Variants in PAK2 observed in about 807,000 individuals in gnomAD.
PAK2 encodes the protein p21 (RAC1) activated kinase 2.
In PAK2, 21 loss-of-function variants were observed where a neutral mutation model predicts 65.9. That is an observed-to-expected ratio of 0.32 (90% confidence interval 0.23 to 0.46). The LOEUF is 0.46. Ranked by LOEUF, PAK2 falls within the 20% of genes least tolerant of loss-of-function variation. The probability of loss-of-function intolerance (pLI) is 1.00; values close to 1 mark genes in which losing one functional copy is unlikely to be tolerated. For synonymous variants in PAK2, 204 were observed against 219.7 expected (o/e 0.93, Z 0.63); for missense variants, 324 against 642.6 (o/e 0.50, Z 5.36).
At chr3:196,779,662 T>C (rs1188826962) in intron 1 of PAK2, among the ~76,000 whole-genome samples, 1 of 151,858 alleles carries the variant, frequency 6.6e-6, no homozygotes, top group Non-Finnish European at 1.5e-5. Flanking sequence ...TGCCCTGTTT[T>C]TGTTGTTGTT....
At chr3:196,818,329 A>AG (rs1269650775) in intron 12 of PAK2, among the ~76,000 whole-genome samples, 173 bp downstream of exon 12, 3 of 152,182 alleles carry the variant, frequency 2.0e-5, no homozygotes, top group Non-Finnish European at 4.4e-5. Context: ...TGCCAGAGAA[A>AG]GGACTCGCTG....
rs528493415 is a variant in PAK2, at chr3:196,770,265, GTATA to G, written c.-21-12354_-21-12351del. Reference sequence around the variant, plus strand: ...GAGTGAGACCCTATCTCCATTAAAAGTATATATATACAGTATTTGTCCTTTTGTG... The same window carrying G: ...GAGTGAGACCCTATCTCCATTAAAAGTATATACAGTATTTGTCCTTTTGTG... On this transcript the variant is annotated intron_variant, in intron 1 of 14. Transcript: ENST00000327134. 4.2e-3 allele frequency among the ~76,000 whole-genome samples: 638 copies of G among 152,004 alleles called. 19 individuals carry two copies. The highest frequency in any genetic ancestry group is 0.015 in the African/African-American group (601 of 41,348).
rs1327329616 is a variant in PAK2 at position 196,807,817 on chromosome 3, A to T, written c.612A>T (p.Ala204=). The T allele has an allele frequency of 6.2e-7, 1 of 1,612,318 alleles. No individual in the cohort carries two copies. Among genetic ancestry groups the T allele is most frequent in the Non-Finnish European group, 8.5e-7 (1 of 1,179,062 alleles). ...GGTCTGTAATTGACCCTGTTCCTGC[A>T]CCAGTTGGTGATTCACATGTTGATG... ...YTRSVIDPVP[A]PVGDSHVDGA... is the part of the protein sequence containing the mutation. Residue 204 remains alanine (A), a synonymous_variant, in exon 7 of 15, where the codon GCA becomes GCT. Coordinates refer to ENST00000327134, the MANE Select transcript of PAK2 (RefSeq NM_002577.4).
At chr3:196,802,951 T>C (rs982890959) in intron 3 of PAK2, 66 bp from the exon 4 acceptor site, 9 of 1,071,408 alleles carry the variant, frequency 8.4e-6, no homozygotes, top group Admixed American at 2.9e-5. Flanking sequence ...TTGTCATTTA[T>C]CTCTGGAAAT....
In PAK2 at chr3:196,820,508, A is replaced by G. The variant is rs1159502671; in HGVS notation, c.1291A>G (p.Ile431Val). The change falls in exon 13 of 15, where the codon ATC (isoleucine) becomes GTC (valine). Residue 431 changes from isoleucine (I) to valine (V), a missense_variant. Around this residue, in one of 5 missense-constraint regions of PAK2, gnomAD observed 36 missense variants for 161.5 expected, o/e 0.22. Coordinates refer to ENST00000327134, the MANE Select transcript of PAK2 (RefSeq NM_002577.4). This position sits in a 1 kb window ranked among gnomAD's most constrained non-coding sequence, Gnocchi z 4.6. ...GPKVDIWSLG[I>V]MAIEMVEGEP... ...TAAAGTCGACATATGGTCTCTGGGTATCATGGCTATTGAGATGGTAGAAGG... is the reference window on the plus strand; with the variant it reads ...TAAAGTCGACATATGGTCTCTGGGTGTCATGGCTATTGAGATGGTAGAAGG... 3 of 1,612,656 alleles carry G rather than the reference A, an allele frequency of 1.9e-6. No homozygotes were observed. The highest frequency in any genetic ancestry group is 2.5e-6 in the Non-Finnish European group (3 of 1,179,058).
intron 8 of PAK2, among the ~76,000 whole-genome samples, chr3:196,811,290 TCCCTCCCTC>T (rs1715800962): frequency 7.8e-5 from 1 of 12,836 alleles, no homozygotes; most frequent in Non-Finnish European, 1.5e-4. Flanking sequence ...TTCCCTCCCT[TCCCTCCCTC>T]CCTTCCTTCC....
chr3:196,779,096 G>A (rs1714628324), intron 1 of PAK2, among the ~76,000 whole-genome samples: 1 of 152,168 alleles, frequency 6.6e-6, no homozygotes, highest in Admixed American at 6.6e-5. Context: ...CACTCAAGAG[G>A]AGACAAGGAT....
intron 12 of PAK2, among the ~76,000 whole-genome samples, chr3:196,819,140 A>G (rs1711571085): frequency 6.6e-6 from 1 of 152,174 alleles, no homozygotes; most frequent in Admixed American, 6.6e-5. Flanking sequence ...TATATTCTGT[A>G]TAGTTTTTAA....
chr3:196,759,500 T>G (rs1387391337), intron 1 of PAK2, among the ~76,000 whole-genome samples: 170 of 9,696 alleles, frequency 0.018, no homozygotes, highest in African/African-American at 0.047. Flanking sequence ...TTTTTTTTGT[T>G]TTTTTTTTTT....
chr3:196,826,191 G>A (rs745534699), intron 13 of PAK2, among the ~76,000 whole-genome samples: 53 of 150,226 alleles, frequency 3.5e-4, no homozygotes, highest in Admixed American at 1.1e-3. Context: ...TTTATTTTTG[G>A]GACGGAGTCT....
At chr3:196,765,524 T>G (rs1461880009) in intron 1 of PAK2, among the ~76,000 whole-genome samples, 1 of 152,220 alleles carries the variant, frequency 6.6e-6, no homozygotes, top group Non-Finnish European at 1.5e-5. Flanking sequence ...TGTGCCATAT[T>G]CCTGATAACA....
At chr3:196,809,616 A>G (rs1383174259) in intron 7 of PAK2, among the ~76,000 whole-genome samples, 1 of 150,844 alleles carries the variant, frequency 6.6e-6, no homozygotes, top group Non-Finnish European at 1.5e-5. Flanking sequence ...CTGTTACTCT[A>G]TGAGCATATA....
intron 13 of PAK2, among the ~76,000 whole-genome samples, chr3:196,821,961 G>C (rs1347873904): frequency 6.6e-6 from 1 of 152,220 alleles, no homozygotes; most frequent in African/African-American, 2.4e-5. Flanking sequence ...AAGGAAGGAA[G>C]TGCCAATCCG....
rs913543547 is a variant in PAK2, at chr3:196,807,720, G to T, written c.577-62G>T. 9.5e-6 allele frequency: 9 copies of T among 945,068 alleles called. No individual in the cohort carries two copies. The South Asian group carries it at 1.4e-4, about 14-fold the overall frequency. The allele number at this position is 945,068 out of a possible 1,614,324, so 58.5% of individuals were successfully genotyped here. ...AAAAATCAAAGAACTGAATTAGTTT[G>T]CCAGGAAGAATATCTGAAAACATTA... On this transcript the variant is annotated intron_variant, in intron 6 of 14. Transcript: ENST00000327134.
chr3:196,748,638 G>A (rs545165641), intron 1 of PAK2, among the ~76,000 whole-genome samples: 50 of 152,234 alleles, frequency 3.3e-4, no homozygotes, highest in African/African-American at 1.1e-3. Flanking sequence ...AGGTTCTTCC[G>A]TGTCTTTTCA....
intron 1 of PAK2, among the ~76,000 whole-genome samples, chr3:196,770,139 TC>T (rs1186680890): frequency 1.3e-5 from 2 of 151,874 alleles, no homozygotes; most frequent in Non-Finnish European, 2.9e-5. Flanking sequence ...CACCTGTAGT[TC>T]CAGCTACTTA....
chr3:196,831,032 A>ACGTGC lies in PAK2; in HGVS notation c.*2628_*2629insGTGCC, dbSNP rs1383669290. ...CTCCTGAGTAGCTGAGACCACAGGCACCCGCCACCACACCCAGCTATTTTT... is the reference window on the plus strand; with the variant it reads ...CTCCTGAGTAGCTGAGACCACAGGCACGTGCCCCGCCACCACACCCAGCTATTTTT... On this transcript the variant is annotated 3_prime_UTR_variant, in exon 15 of 15. Coordinates refer to ENST00000327134, the MANE Select transcript of PAK2 (RefSeq NM_002577.4). 2 of 152,018 alleles carry ACGTGC rather than the reference A, an allele frequency of 1.3e-5. No homozygotes were observed. Among genetic ancestry groups the ACGTGC allele is most frequent in the African/African-American group, 4.8e-5 (2 of 41,380 alleles). The allele number at this position is 152,018 out of a possible 1,614,324, so 9.4% of individuals were successfully genotyped here. A position where few individuals can be genotyped will look rare whatever the true frequency, so the allele number is the denominator to read the frequency against.
At chr3:196,793,755 A>C (rs998432199) in intron 2 of PAK2, among the ~76,000 whole-genome samples, 1 of 152,242 alleles carries the variant, frequency 6.6e-6, no homozygotes, top group African/African-American at 2.4e-5. Flanking sequence ...AGAACAATGG[A>C]AAACAGTTCT....
Position 196,812,250 on chromosome 3 carries a change from G to C in PAK2, c.805G>C (p.Val269Leu). The C allele has an allele frequency of 6.3e-7, 1 of 1,588,540 alleles. No homozygotes were observed. Among genetic ancestry groups the C allele is most frequent in the Admixed American group, 1.7e-5 (1 of 59,910 alleles). ...TGGTACAGTTTTCACTGCTACTGAC[G>C]TTGCACTGGGACAGGAGGTAGTTAC... ...ASGTVFTATD[V>L]ALGQEVAIKQ... is the part of the protein sequence containing the mutation. Residue 269 changes from valine (V) to leucine (L), a missense_variant, in exon 9 of 15, where the codon GTT becomes CTT. Coordinates refer to ENST00000327134, the MANE Select transcript of PAK2 (RefSeq NM_002577.4).
Sources: allele counts gnomAD v4.1 joint callset (sites outside exome capture counted in the v4.1 genomes callset), GRCh38; gene constraint gnomAD v4.1.1; regional missense constraint gnomAD v4.1.1; non-coding constraint Gnocchi (gnomAD v3.1); transcripts MANE v1.5; gene names NCBI Gene and HGNC (gene_info 2026-07-23, HGNC 2026-07-21).